Variants in B3GALT1 observed in about 807,000 individuals in gnomAD.
B3GALT1 encodes UDP-Gal:betaGlcNAc beta 1,3-galactosyltransferase, polypeptide 1.
A neutral mutation model predicts 23.2 loss-of-function variants in B3GALT1; 10 were observed. The ratio of observed to expected loss-of-function variants is 0.43; its 90% CI spans 0.27 to 0.73. The LOEUF (loss-of-function observed/expected upper bound fraction) is 0.73. Ranked by LOEUF, B3GALT1 falls within the 30% of genes least tolerant of loss-of-function variation. The probability of loss-of-function intolerance (pLI) is 0.21; values close to 1 mark genes in which losing one functional copy is unlikely to be tolerated. For missense variants in B3GALT1, 299 were observed against 405.4 expected, an observed-to-expected ratio of 0.74 and a Z score of 2.25; for synonymous variants, 156 against 141.5, an observed-to-expected ratio of 1.10 and a Z score of -0.73.
chr2:167,386,986 C>G (rs558164500), intron 1 of B3GALT1, among the ~76,000 whole-genome samples: 1 of 150,450 alleles, frequency 6.6e-6, no homozygotes, highest in African/African-American at 2.5e-5. Flanking sequence ...CTGTGGAACA[C>G]AGATTTCAAT....
intron 3 of B3GALT1, among the ~76,000 whole-genome samples, chr2:167,667,270 A>T (rs912199940): frequency 1.3e-4 from 20 of 152,136 alleles, no homozygotes; most frequent in Non-Finnish European, 2.4e-4. Flanking sequence ...AGAATGTTGA[A>T]TATTGGCCCC....
At chr2:167,458,750 A>G (rs1381293302) in intron 1 of B3GALT1, among the ~76,000 whole-genome samples, 1 of 152,130 alleles carries the variant, frequency 6.6e-6, no homozygotes, top group Non-Finnish European at 1.5e-5. Flanking sequence ...CCGTTTGTTT[A>G]TCATCTGAAG....
At chr2:167,551,854 G>C (rs1683753716) in intron 2 of B3GALT1, among the ~76,000 whole-genome samples, 2 of 152,138 alleles carry the variant, frequency 1.3e-5, no homozygotes, top group South Asian at 4.2e-4. Context: ...CCCTGTTGGA[G>C]GTCTGGGAGC....
intron 3 of B3GALT1, among the ~76,000 whole-genome samples, chr2:167,736,423 GCCTTAGGGGTT>G (rs1687493188): frequency 6.6e-6 from 1 of 152,172 alleles, no homozygotes; most frequent in African/African-American, 2.4e-5. Flanking sequence ...CCTTCAGAAT[GCCTTAGGGGTT>G]CAAGGCAGTG....
At chr2:167,369,813 T>G (rs192582777) in intron 1 of B3GALT1, among the ~76,000 whole-genome samples, 43 of 152,274 alleles carry the variant, frequency 2.8e-4, no homozygotes, top group Middle Eastern at 6.8e-3. Context: ...TTAGAGAGTA[T>G]TTTAGCAGCA....
intron 3 of B3GALT1, among the ~76,000 whole-genome samples, chr2:167,749,596 A>G (rs780074309): frequency 3.9e-5 from 6 of 152,224 alleles, no homozygotes; most frequent in Non-Finnish European, 8.8e-5. Context: ...ATCAACTTTT[A>G]ATCAATTATT....
intron 2 of B3GALT1, among the ~76,000 whole-genome samples, chr2:167,601,107 T>C (rs1020425217): frequency 6.6e-6 from 1 of 152,342 alleles, no homozygotes; most frequent in Non-Finnish European, 1.5e-5. Context: ...GTTGCCAGAC[T>C]GGAGTGCAGT....
intron 3 of B3GALT1, among the ~76,000 whole-genome samples, chr2:167,673,470 T>C (rs1381159705): frequency 6.6e-6 from 1 of 152,128 alleles, no homozygotes; most frequent in East Asian, 1.9e-4. Flanking sequence ...TTAGATTCTG[T>C]AGCTTTGGAA....
chr2:167,756,924 T>A (rs917234576), intron 3 of B3GALT1, among the ~76,000 whole-genome samples: 3 of 152,116 alleles, frequency 2.0e-5, no homozygotes, highest in African/African-American at 7.2e-5. Flanking sequence ...TTTTTAGTGT[T>A]AGGAGGTGGT....
chr2:167,449,756 A>T (rs1699057309), intron 1 of B3GALT1, among the ~76,000 whole-genome samples: 1 of 152,096 alleles, frequency 6.6e-6, no homozygotes, highest in Non-Finnish European at 1.5e-5. Flanking sequence ...TACTACATTG[A>T]GGTATGTCCC....
rs1227114 is a variant in B3GALT1 at position 167,522,005 on chromosome 2, T to C, written c.-410+31728T>C. On this transcript the variant is annotated intron_variant, in intron 2 of 4. Coordinates refer to ENST00000392690, the MANE Select transcript of B3GALT1 (RefSeq NM_020981.4). ...GTGTGTATATATATATATATATATA[T>C]ACACATATATATATAATTATATATA... Among the ~76,000 whole-genome samples the C allele has an allele frequency of 2.9e-3, 420 of 144,944 alleles. 3 individuals are homozygous for C. The highest frequency in any genetic ancestry group is 9.6e-3 in the African/African-American group (382 of 39,720).
rs76825750 is a variant in B3GALT1, at chr2:167,616,794, T to C, written c.-409-30115T>C. Among the ~76,000 whole-genome samples the C allele has an allele frequency of 5.8e-4, 89 of 152,264 alleles. 1 individual carries two copies. The East Asian group carries it at 0.015, about 25-fold the overall frequency. ...TTATTTCTCCCTGTAAACTTTCTTG[T>C]ATTTTCTGGGTTATTTGAAATTAGG... On this transcript the variant is annotated intron_variant, in intron 2 of 4. Transcript: ENST00000392690.
At chr2:167,715,386 G>A (rs577242672) in intron 3 of B3GALT1, 30 of 1,613,054 alleles carry the variant, frequency 1.9e-5, no homozygotes, top group Non-Finnish European at 2.3e-5. Context: ...TCAGCTTCTC[G>A]CAAAAGCTGT....
intron 2 of B3GALT1, among the ~76,000 whole-genome samples, chr2:167,629,528 T>G (rs566912079): frequency 1.3e-5 from 2 of 151,836 alleles, no homozygotes; most frequent in South Asian, 4.1e-4. Flanking sequence ...AGGTCCTCTA[T>G]GGATTCATTC....
At chr2:167,663,788 G>A (rs545444360) in intron 3 of B3GALT1, among the ~76,000 whole-genome samples, 2,332 of 152,042 alleles carry the variant, frequency 0.015, 62 homozygotes, top group African/African-American at 0.052. Context: ...CATGTCCTTC[G>A]CCCACTTTTT....
At chr2:167,397,201 T>C (rs748633447) in intron 1 of B3GALT1, among the ~76,000 whole-genome samples, 1 of 151,940 alleles carries the variant, frequency 6.6e-6, no homozygotes, top group Non-Finnish European at 1.5e-5. Flanking sequence ...CCTTCCTTCA[T>C]TCATTCATTC....
At chr2:167,630,790 G>T (rs1685426653) in intron 2 of B3GALT1, among the ~76,000 whole-genome samples, 1 of 151,704 alleles carries the variant, frequency 6.6e-6, no homozygotes, top group African/African-American at 2.4e-5. Flanking sequence ...TTGAAAGAAT[G>T]ATCCAAATGC....
intron 2 of B3GALT1, among the ~76,000 whole-genome samples, chr2:167,507,345 A>G (rs1436600485): frequency 2.6e-5 from 4 of 151,788 alleles, no homozygotes; most frequent in Non-Finnish European, 5.9e-5. Flanking sequence ...TCTCTACTAA[A>G]AAAATACAAA....
chr2:167,302,263 T>A (rs965176049), intron 1 of B3GALT1, among the ~76,000 whole-genome samples: 1 of 152,122 alleles, frequency 6.6e-6, no homozygotes, highest in Non-Finnish European at 1.5e-5. Flanking sequence ...CATAGTAGGA[T>A]GATAGGGATT....
Sources: gnomAD v4.1 joint callset for allele counts (sites outside exome capture counted in the v4.1 genomes callset) on GRCh38, gnomAD v4.1.1 for gene constraint, MANE v1.5 for transcripts, NCBI Gene and HGNC (gene_info 2026-07-23, HGNC 2026-07-21) for gene names.